RPS6KA2: variants seen among roughly 807,000 people sequenced by gnomAD.
RPS6KA2 encodes the protein ribosomal protein S6 kinase alpha-2.
In RPS6KA2, 42 loss-of-function variants were observed where a neutral mutation model predicts 91.8. The observed-to-expected ratio is 0.46, with a 90% CI of 0.36 to 0.59. The LOEUF (loss-of-function observed/expected upper bound fraction) is 0.59, where lower values mean the gene tolerates loss of function less well. Among genes scored for constraint, RPS6KA2 ranks in the 20% least tolerant of loss-of-function variants. RPS6KA2 has a pLI of 0.00. For synonymous variants in RPS6KA2, 414 were observed against 393.6 expected (o/e 1.05, Z -0.61); for missense variants, 798 against 978.5 (o/e 0.82, Z 2.46).
intron 2 of RPS6KA2, among the ~76,000 whole-genome samples, chr6:166,754,193 G>A (rs1473890885): frequency 1.3e-5 from 2 of 152,196 alleles, no homozygotes; most frequent in African/African-American, 4.8e-5. Context: ...ATACACAAAA[G>A]CTACCAGTTT....
intron 2 of RPS6KA2, among the ~76,000 whole-genome samples, chr6:166,699,987 G>T (rs1237810348): frequency 1.3e-5 from 2 of 152,182 alleles, no homozygotes; most frequent in Non-Finnish European, 2.9e-5. Flanking sequence ...CTGTCCCATT[G>T]GTCTGAAGTG....
intron 1 of RPS6KA2, among the ~76,000 whole-genome samples, chr6:166,625,464 AG>A (rs1786838395): frequency 6.6e-6 from 1 of 152,018 alleles, no homozygotes; most frequent in Non-Finnish European, 1.5e-5. Context: ...CCCACTGGTC[AG>A]CCAGTGTCTA....
intron 1 of RPS6KA2, among the ~76,000 whole-genome samples, chr6:166,607,870 C>T (rs909904381): frequency 6.6e-6 from 1 of 152,112 alleles, no homozygotes; most frequent in African/African-American, 2.4e-5. Context: ...TAGCCGGGCA[C>T]CAGGTGGCAT....
chr6:166,628,359 GCACCAT>G (rs1786973431), upstream of RPS6KA2, among the ~76,000 whole-genome samples: 1 of 152,202 alleles, frequency 6.6e-6, no homozygotes, highest in East Asian at 1.9e-4. Flanking sequence ...CATTGACATA[GCACCAT>G]CACCACCTGC....
At position 166,554,073 on chromosome 6, in the gene RPS6KA2, G is replaced by GT. The variant is rs1274952825; in HGVS notation, c.100-15290dup. 1.3e-5 allele frequency among the ~76,000 whole-genome samples: 2 copies of GT among 152,168 alleles called. No homozygotes were observed. The highest frequency in any genetic ancestry group is 2.9e-5 in the Non-Finnish European group (2 of 68,032). ...ACCCTGTGTGTGTATCTGTCTATCTGTCTGTCCAGGCAAGAACATTTGGAA... is the reference window on the plus strand; with the variant it reads ...ACCCTGTGTGTGTATCTGTCTATCTGTTCTGTCCAGGCAAGAACATTTGGAA... On this transcript the variant is annotated intron_variant, in intron 1 of 20. Transcript: ENST00000265678. The surrounding 1 kb of genome is among the most constrained non-coding windows in gnomAD (Gnocchi z 4.3).
chr6:166,733,042 A>C lies in RPS6KA2; in HGVS notation c.123+125158T>G, dbSNP rs893883744. ...TGCATCGGATTTCTGGAGGTTTGGG[A>C]CCCTCTTTGCAGAAGCTTTCACGAG... On this transcript the variant is annotated intron_variant, in intron 2 of 21. Transcript: ENST00000503859. The surrounding 1 kb of genome is among the most constrained non-coding windows in gnomAD (Gnocchi z 4.1). 6.6e-5 allele frequency among the ~76,000 whole-genome samples: 10 copies of C among 151,788 alleles called. No homozygotes were observed. Among genetic ancestry groups the C allele is most frequent in the Non-Finnish European group, 8.8e-5 (6 of 67,946 alleles).
chr6:166,724,018 G>A (rs1456298745), intron 2 of RPS6KA2, among the ~76,000 whole-genome samples: 1 of 152,076 alleles, frequency 6.6e-6, no homozygotes, highest in South Asian at 2.1e-4. Flanking sequence ...ATAACTTAAA[G>A]TATGTTTTTG....
intron 1 of RPS6KA2, among the ~76,000 whole-genome samples, chr6:166,560,840 G>A (rs2128505443): frequency 6.6e-6 from 1 of 152,168 alleles, no homozygotes; most frequent in Admixed American, 6.5e-5. Context: ...GCTTCCCCAA[G>A]CATACACCAA....
At chr6:166,543,639 G>C (rs1783729107) in intron 1 of RPS6KA2, among the ~76,000 whole-genome samples, 1 of 152,104 alleles carries the variant, frequency 6.6e-6, no homozygotes, top group African/African-American at 2.4e-5. Context: ...CTTTCCCCTG[G>C]GCACAGTCCC....
intron 1 of RPS6KA2, among the ~76,000 whole-genome samples, chr6:166,605,654 G>T (rs1481402919): frequency 6.6e-6 from 1 of 152,048 alleles, no homozygotes; most frequent in African/African-American, 2.4e-5. Context: ...AATGTGAAAG[G>T]GCCACGTGAG....
intron 16 of RPS6KA2, among the ~76,000 whole-genome samples, chr6:166,424,212 C>T (rs1303591731): frequency 6.6e-6 from 1 of 152,166 alleles, no homozygotes; most frequent in Non-Finnish European, 1.5e-5. Context: ...GCAAGGCAAT[C>T]AAAGACTGTG....
chr6:166,718,872 G>A (rs1055830299), intron 2 of RPS6KA2, among the ~76,000 whole-genome samples: 3 of 152,226 alleles, frequency 2.0e-5, no homozygotes, highest in African/African-American at 7.2e-5. Flanking sequence ...CTAGAGAGGG[G>A]TGGAACAGGC....
intron 1 of RPS6KA2, among the ~76,000 whole-genome samples, chr6:166,546,657 A>C (rs1225580863): frequency 1.3e-5 from 2 of 152,172 alleles, no homozygotes; most frequent in Non-Finnish European, 1.5e-5. Context: ...TATTGGGATA[A>C]ATTTCCTATT....
chr6:166,492,722 T>TTTC (rs1005981590), intron 8 of RPS6KA2, among the ~76,000 whole-genome samples: 6 of 85,102 alleles, frequency 7.1e-5, no homozygotes, highest in African/African-American at 1.8e-4. Context: ...TTTCTTTTCT[T>TTTC]TTTTTTTTTT....
intron 3 of RPS6KA2, among the ~76,000 whole-genome samples, chr6:166,518,518 A>G (rs192664916): frequency 6.6e-6 from 1 of 152,214 alleles, no homozygotes; most frequent in Non-Finnish European, 1.5e-5. Context: ...CATTATGCTT[A>G]TAATAATAAA....
chr6:166,420,051 TG>T, intron 17 of RPS6KA2, 93 bp from the exon 18 acceptor site: 1 of 1,235,822 alleles, frequency 8.1e-7, no homozygotes, highest in Non-Finnish European at 1.2e-6. Flanking sequence ...GCCGGCAAGC[TG>T]GGGACCAGGA....
chr6:166,513,222 C>T (rs1405375566), intron 3 of RPS6KA2, among the ~76,000 whole-genome samples: 2 of 152,204 alleles, frequency 1.3e-5, no homozygotes, highest in Admixed American at 6.5e-5. Context: ...AGACAGGCAT[C>T]GAGTAGGCAC....
intron 2 of RPS6KA2, among the ~76,000 whole-genome samples, chr6:166,699,679 G>C (rs1789454237): frequency 6.6e-6 from 1 of 152,170 alleles, no homozygotes. Context: ...TTGCTGTCAA[G>C]TTAAGGAGTG....
rs1316260965 is a variant in RPS6KA2, at chr6:166,435,509, G to C, written c.1333-3019C>G. Reference sequence around the variant, plus strand: ...TTGGTGGAACCCCCAAAGCACCTCTGTCAACAACCAAACACCACACACCAG... The same window carrying C: ...TTGGTGGAACCCCCAAAGCACCTCTCTCAACAACCAAACACCACACACCAG... On this transcript the variant is annotated intron_variant, in intron 14 of 20. Coordinates refer to ENST00000265678, the MANE Select transcript of RPS6KA2 (RefSeq NM_021135.6). The surrounding 1 kb of genome is among the most constrained non-coding windows in gnomAD (Gnocchi z 4.3). 6.6e-6 allele frequency among the ~76,000 whole-genome samples: 1 copy of C among 152,204 alleles called. No individual in the cohort carries two copies. The highest frequency in any genetic ancestry group is 1.5e-5 in the Non-Finnish European group (1 of 68,038).
Sources: gnomAD v4.1 joint callset for allele counts (sites outside exome capture counted in the v4.1 genomes callset) on GRCh38, gnomAD v4.1.1 for gene constraint, Gnocchi (gnomAD v3.1) non-coding constraint, MANE v1.5 for transcripts, NCBI Gene and HGNC (gene_info 2026-07-23, HGNC 2026-07-21) for gene names.